FGF14: variants seen among roughly 807,000 people sequenced by gnomAD.
The protein encoded by FGF14 is fibroblast growth factor 14.
Under a neutral mutation model 25.5 loss-of-function variants are expected in FGF14, and 5 were observed. The observed-to-expected ratio is 0.20, with a 90% confidence interval of 0.10 to 0.41. The LOEUF (loss-of-function observed/expected upper bound fraction) is 0.41. Ranked by LOEUF, FGF14 falls within the 10% of genes least tolerant of loss-of-function variation. FGF14 has a pLI of 1.00. For synonymous variants in FGF14, 138 were observed against 118.3 expected (o/e 1.17, Z -1.08); for missense variants, 222 against 320.1 (o/e 0.69, Z 2.34).
chr13:102,004,079 G>A (rs1048760107), intron 1 of FGF14, among the ~76,000 whole-genome samples: 2 of 152,114 alleles, frequency 1.3e-5, no homozygotes, highest in African/African-American at 4.8e-5. Context: ...TTTCATCAGG[G>A]AGCTTGTATC....
chr13:102,130,779 C>T (rs1024568477), intron 1 of FGF14, among the ~76,000 whole-genome samples: 4 of 152,138 alleles, frequency 2.6e-5, no homozygotes, highest in Non-Finnish European at 5.9e-5. Flanking sequence ...AGTGAACAAA[C>T]AGCTGAGGGC....
chr13:101,760,997 T>C (rs1389274442), intron 3 of FGF14, among the ~76,000 whole-genome samples: 1 of 152,240 alleles, frequency 6.6e-6, no homozygotes, highest in African/African-American at 2.4e-5. Flanking sequence ...AAATACCCTA[T>C]TAAAAATTTA....
At chr13:102,246,994 A>T (rs1198373162) in intron 1 of FGF14, among the ~76,000 whole-genome samples, 1 of 152,022 alleles carries the variant, frequency 6.6e-6, no homozygotes, top group East Asian at 1.9e-4. Context: ...TGGGGAAATG[A>T]CTCTCTATTC....
At chr13:102,245,879 A>G (rs1229647036) in intron 1 of FGF14, among the ~76,000 whole-genome samples, 1 of 152,124 alleles carries the variant, frequency 6.6e-6, no homozygotes, top group Non-Finnish European at 1.5e-5. Context: ...AGTGCATACA[A>G]TTTTAAAGTA....
At chr13:101,748,586 C>T (rs1478890808) in intron 3 of FGF14, among the ~76,000 whole-genome samples, 1 of 151,420 alleles carries the variant, frequency 6.6e-6, no homozygotes, top group East Asian at 1.9e-4. Flanking sequence ...TGTAAAAAAA[C>T]AGCAACAAAG....
At chr13:102,371,740 A>T (rs930485255) in intron 1 of FGF14, among the ~76,000 whole-genome samples, 1 of 152,200 alleles carries the variant, frequency 6.6e-6, no homozygotes, top group African/African-American at 2.4e-5. Flanking sequence ...ATGAATAACA[A>T]AGTAAATGCT....
At chr13:102,141,275 C>G (rs1448100212) in intron 1 of FGF14, among the ~76,000 whole-genome samples, 2 of 152,178 alleles carry the variant, frequency 1.3e-5, no homozygotes, top group African/African-American at 2.4e-5. Flanking sequence ...CGAAACAGAA[C>G]TGGTTGTACA....
intron 3 of FGF14, among the ~76,000 whole-genome samples, chr13:101,788,721 G>A (rs1447410195): frequency 1.3e-5 from 2 of 151,400 alleles, no homozygotes; most frequent in Non-Finnish European, 2.9e-5. Context: ...TTGTGTTTGT[G>A]ATATTAACCA....
chr13:102,135,171 G>A (rs998009013), intron 1 of FGF14, among the ~76,000 whole-genome samples: 1 of 152,024 alleles, frequency 6.6e-6, no homozygotes, highest in Non-Finnish European at 1.5e-5. Flanking sequence ...TCGCACCATC[G>A]CACTCCAGCC....
intron 1 of FGF14, among the ~76,000 whole-genome samples, chr13:102,242,398 T>A (rs2051646011): frequency 6.6e-6 from 1 of 152,066 alleles, no homozygotes; most frequent in African/African-American, 2.4e-5. Context: ...AGAAATTAAT[T>A]GGCTCCTGGC....
chr13:101,924,537 C>T (rs1302599748), intron 1 of FGF14, among the ~76,000 whole-genome samples: 1 of 152,074 alleles, frequency 6.6e-6, no homozygotes, highest in Admixed American at 6.6e-5. Flanking sequence ...TTTACATTCA[C>T]ATTTGAAAGT....
At chr13:102,366,065 G>GT (rs952782420) in intron 1 of FGF14, among the ~76,000 whole-genome samples, 6 of 152,086 alleles carry the variant, frequency 3.9e-5, no homozygotes, top group African/African-American at 1.4e-4. Context: ...GGCATCAATG[G>GT]TTAGTGAAAA....
At chr13:102,006,268 T>C (rs1486409815) in intron 1 of FGF14, among the ~76,000 whole-genome samples, 1 of 152,202 alleles carries the variant, frequency 6.6e-6, no homozygotes, top group African/African-American at 2.4e-5. Context: ...AAAAACTTAT[T>C]TGTGAACTAA....
chr13:102,117,309 T>TTGGG lies in FGF14; in HGVS notation c.209-242014_209-242013insCCCA, dbSNP rs1226451641. On this transcript the variant is annotated intron_variant, in intron 1 of 4. Transcript: ENST00000376131. ...CCCACCTCACATAGCCCAACTCTAG[T>TTGGG]CTGCTCCCGTCCTGACTTGCTCCTG... 1.1e-3 allele frequency among the ~76,000 whole-genome samples: 168 copies of TTGGG among 152,190 alleles called. 1 individual carries two copies. Among genetic ancestry groups the TTGGG allele is most frequent in the Non-Finnish European group, 2.2e-3 (147 of 68,028 alleles).
intron 1 of FGF14, among the ~76,000 whole-genome samples, chr13:101,901,889 T>C (rs572328089): frequency 4.7e-4 from 72 of 152,302 alleles, no homozygotes; most frequent in African/African-American, 1.7e-3. Context: ...TTATCTACTT[T>C]AAAGGGTTTT....
chr13:102,294,068 C>A (rs1229768524), intron 1 of FGF14: 1 of 152,086 alleles, frequency 6.6e-6, no homozygotes, highest in East Asian at 1.9e-4. Context: ...TGAACAAACA[C>A]TTAACATCCA....
intron 1 of FGF14, among the ~76,000 whole-genome samples, chr13:102,061,087 G>C (rs1385946468): frequency 6.6e-6 from 1 of 152,190 alleles, no homozygotes; most frequent in Non-Finnish European, 1.5e-5. Context: ...CCCCATGCTG[G>C]CTCCACATCC....
chr13:101,852,865 C>A (rs1366663563), intron 3 of FGF14, among the ~76,000 whole-genome samples: 2 of 152,016 alleles, frequency 1.3e-5, no homozygotes, highest in African/African-American at 4.8e-5. Flanking sequence ...TGATTATATT[C>A]ACAGAAAACT....
intron 1 of FGF14, among the ~76,000 whole-genome samples, chr13:102,249,277 T>TA (rs1368989436): frequency 6.6e-6 from 1 of 152,126 alleles, no homozygotes; most frequent in East Asian, 1.9e-4. Context: ...AAGAACTTGT[T>TA]AAAAAAGTAG....
Sources: gnomAD v4.1 joint callset for allele counts (sites outside exome capture counted in the v4.1 genomes callset) on GRCh38, gnomAD v4.1.1 for gene constraint, MANE v1.5 for transcripts, NCBI Gene and HGNC (gene_info 2026-07-23, HGNC 2026-07-21) for gene names.